The following GMIP variants were observed in gnomAD, a reference collection of about 807,000 sequenced individuals.
The protein encoded by GMIP is GEM interacting protein, also known as GEM-interacting protein.
GMIP carries 54 observed loss-of-function variants against 105.3 expected under a neutral mutation model. That is an observed-to-expected ratio of 0.51 (90% CI 0.41 to 0.64). GMIP has a LOEUF of 0.64. Ranked by LOEUF, GMIP falls within the 30% of genes least tolerant of loss-of-function variation. GMIP has a pLI of 0.00. For synonymous variants in GMIP, 541 were observed against 560.8 expected, an observed-to-expected ratio of 0.96 and a Z score of 0.50; for missense variants, 1,110 against 1,319.4, an observed-to-expected ratio of 0.84 and a Z score of 2.46.
rs111343876 is a variant in GMIP at position 19,630,975 on chromosome 19, T to C, written c.2473-438A>G. Among the ~76,000 whole-genome samples the C allele has an allele frequency of 6.6e-6, 1 of 151,694 alleles. No homozygotes were observed. The highest frequency in any genetic ancestry group is 2.4e-5 in the African/African-American group (1 of 41,342). ...CAGCACTTTGGGAGGCTGAGGTTGG[T>C]GGATTATCTGAGGTCAGGAGTTCGG... On this transcript the variant is annotated intron_variant, in intron 19 of 20. Transcript: ENST00000203556. The surrounding 1 kb of genome is among the most constrained non-coding windows in gnomAD (Gnocchi z 4.8).
chr19:19,637,784 T>C lies in GMIP; in HGVS notation c.927+136A>G. On this transcript the variant is annotated intron_variant, in intron 10 of 20. Transcript: ENST00000203556. This position sits in a 1 kb window ranked among gnomAD's most constrained non-coding sequence, Gnocchi z 6.7. Reference sequence around the variant, plus strand: ...CATGGGGCGGAGCCGAGACAGTGGGTCTGGGGGCGGGAACTGGCTGTCGAG... The same window carrying C: ...CATGGGGCGGAGCCGAGACAGTGGGCCTGGGGGCGGGAACTGGCTGTCGAG... 1 of 990,206 alleles carries C rather than the reference T, an allele frequency of 1.0e-6. No individual in the cohort carries two copies. The highest frequency in any genetic ancestry group is 1.6e-5 in the South Asian group (1 of 62,620). 61.3% of individuals were successfully genotyped at this position (990,206 alleles called of 1,614,324 possible).
At chr19:19,642,114 G>T in intron 2 of GMIP, 63 bp from the exon 3 acceptor site, 1 of 1,047,674 alleles carries the variant, frequency 9.5e-7, no homozygotes, top group East Asian at 2.5e-5. Flanking sequence ...AAGGGGTGCT[G>T]GGGACCTTAG....
At chr19:19,642,279 T>G (rs1300142255) in intron 2 of GMIP, among the ~76,000 whole-genome samples, 1 of 151,980 alleles carries the variant, frequency 6.6e-6, no homozygotes, top group African/African-American at 2.4e-5. Flanking sequence ...AGAGTGGGAT[T>G]ATAGGGATCG....
intron 19 of GMIP, among the ~76,000 whole-genome samples, chr19:19,631,427 G>T (rs1292200218): frequency 1.3e-5 from 2 of 152,174 alleles, no homozygotes; most frequent in Non-Finnish European, 2.9e-5. Flanking sequence ...TTAGCTAAAT[G>T]GTTGGCAGTG....
In GMIP at chr19:19,629,978, G is replaced by A. The variant is rs267605377; in HGVS notation, c.2898C>T (p.Ala966=). Residue 966 remains alanine, a synonymous_variant, in exon 21 of 21, where the codon GCC becomes GCT. Coordinates refer to ENST00000203556, the MANE Select transcript of GMIP (RefSeq NM_016573.4). The part of the protein sequence containing the change: ...TCCPDVQPEE[A]EDHL ...GCCAGGGTGGTCAGAGATGGTCCTC[G>A]GCTTCCTCAGGCTGGACGTCCGGGC... 8.7e-6 allele frequency: 14 copies of A among 1,608,786 alleles called. No homozygotes were observed. The highest frequency in any genetic ancestry group is 1.7e-4 in the Middle Eastern group (1 of 6,040).
In GMIP at chr19:19,634,324, C is replaced by T. The variant is rs1185574916; in HGVS notation, c.2085-134G>A. On this transcript the variant is annotated intron_variant, in intron 18 of 20. Transcript: ENST00000203556. This position sits in a 1 kb window ranked among gnomAD's most constrained non-coding sequence, Gnocchi z 6.1. Reference sequence around the variant, plus strand: ...GGTGTAAGTCGTCTGAGACCAGCAGCCACATATCCAGAACTGGAGGTCAGG... The same window carrying T: ...GGTGTAAGTCGTCTGAGACCAGCAGTCACATATCCAGAACTGGAGGTCAGG... The T allele has an allele frequency of 9.6e-7, 1 of 1,046,454 alleles. No individual in the cohort carries two copies. Among genetic ancestry groups the T allele is most frequent in the Non-Finnish European group, 1.4e-6 (1 of 730,752 alleles). 64.8% of individuals were successfully genotyped at this position (1,046,454 alleles called of 1,614,324 possible). A position where few individuals can be genotyped will look rare whatever the true frequency, so the allele number is the denominator to read the frequency against.
intron 4 of GMIP, among the ~76,000 whole-genome samples, chr19:19,640,795 C>T (rs920504384): frequency 1.4e-4 from 21 of 151,800 alleles, no homozygotes; most frequent in Non-Finnish European, 2.1e-4. Flanking sequence ...GACTGTGTTT[C>T]GCTCTTGTTG....
rs780292004 is a variant in GMIP at position 19,635,719 on chromosome 19, C to T, written c.1330G>A (p.Ala444Thr). 6.8e-6 allele frequency: 11 copies of T among 1,613,640 alleles called. No homozygotes were observed. The highest frequency in any genetic ancestry group is 4.4e-5 in the South Asian group (4 of 91,074). ...GCCTTCACCAGCTGCCTCGTGCCAG[C>T]GCCTGGGGTCAGAGGAATCATGGGA... The part of the protein sequence containing the change: ...SLDSPTSSPG[A>T]GTRQLVKASS... The change falls in exon 14 of 21, where the codon GCT becomes ACT. Residue 444 changes from alanine (A) to threonine (T), a missense_variant and splice_region_variant. Ala to Thr is a moderately conservative substitution (Grantham distance 58, BLOSUM62 0). Transcript: ENST00000203556. This position sits in a 1 kb window ranked among gnomAD's most constrained non-coding sequence, Gnocchi z 4.7.
At position 19,634,456 on chromosome 19, in the gene GMIP, G is replaced by C. The variant is rs747873153; in HGVS notation, c.2084+51C>G. 3 of 1,467,738 alleles carry C rather than the reference G, an allele frequency of 2.0e-6. No individual in the cohort carries two copies. The highest frequency in any genetic ancestry group is 4.2e-5 in the Admixed American group (2 of 47,686). The allele number at this position is 1,467,738 out of a possible 1,614,324, so 90.9% of individuals were successfully genotyped here. A position where few individuals can be genotyped will look rare whatever the true frequency, so the allele number is the denominator to read the frequency against. On this transcript the variant is annotated intron_variant, in intron 18 of 20. Coordinates refer to ENST00000203556, the MANE Select transcript of GMIP (RefSeq NM_016573.4). The surrounding 1 kb of genome is among the most constrained non-coding windows in gnomAD (Gnocchi z 6.1). ...GGGTCAGCCAGGGAAGTTAGTAGTC[G>C]CATGTCCAGGGAAAAGGGTCGCGTT...
At chr19:19,640,986 C>T (rs890605332) in intron 4 of GMIP, among the ~76,000 whole-genome samples, 3 of 152,084 alleles carry the variant, frequency 2.0e-5, no homozygotes, top group East Asian at 1.9e-4. Context: ...AGGCTGGTCT[C>T]GAACTCCCAA....
chr19:19,635,177 G>C lies in GMIP; in HGVS notation c.1597C>G (p.Leu533Val). 1 of 1,613,868 alleles carries C rather than the reference G, an allele frequency of 6.2e-7. No homozygotes were observed. Among genetic ancestry groups the C allele is most frequent in the Admixed American group, 1.7e-5 (1 of 59,948 alleles). ...CGCCTGTGTCCACAGAGGATCAGGAGAGTCTCCAGGCAGCGCTTGTGGCAG... is the reference window on the plus strand; with the variant it reads ...CGCCTGTGTCCACAGAGGATCAGGACAGTCTCCAGGCAGCGCTTGTGGCAG... ...LTCHKRCLET[L>V]LILCGHRRLP... The change falls in exon 16 of 21, where the codon CTC becomes GTC. Residue 533 changes from leucine to valine, a missense_variant. This residue lies in a region of GMIP where 667 missense variants were observed against 773.2 expected (regional missense o/e 0.86). Coordinates refer to ENST00000203556, the MANE Select transcript of GMIP (RefSeq NM_016573.4). This position sits in a 1 kb window ranked among gnomAD's most constrained non-coding sequence, Gnocchi z 4.7.
In GMIP at chr19:19,630,139, GC is replaced by G. The variant is rs1426073165; in HGVS notation, c.2736del (p.Ser914AlafsTer115). On this transcript the variant is annotated frameshift_variant, in exon 21 of 21. Transcript: ENST00000203556. LOFTEE classifies it high-confidence loss of function. This position sits in a 1 kb window ranked among gnomAD's most constrained non-coding sequence, Gnocchi z 4.8. ...TCAGGGGAGGCAGCTGCAGGGCTGG[GC>G]CCCCGCCCCCGCAAACTCCCTCTGG... ...SVPRGSLRGR[G>X]PSPAAASPEG... is the part of the protein sequence containing the mutation. 1.9e-6 allele frequency: 3 copies of G among 1,602,678 alleles called. No homozygotes were observed. The highest frequency in any genetic ancestry group is 2.7e-5 in the African/African-American group (2 of 74,734).
At chr19:19,641,757 T>G in intron 4 of GMIP, 53 bp downstream of exon 4, 1 of 1,296,810 alleles carries the variant, frequency 7.7e-7, no homozygotes, top group Non-Finnish European at 1.1e-6. Context: ...GGTGATTTGT[T>G]GAAGGAAAGA....
chr19:19,642,587 A>G lies in GMIP; in HGVS notation c.52T>C (p.Tyr18His). The change falls in exon 2 of 21, where the codon TAC becomes CAC. Residue 18 changes from tyrosine to histidine, a missense_variant. By Grantham distance (83) the Tyr-to-His change is moderately conservative (BLOSUM62 2). Transcript: ENST00000203556. ...LPPGPEGRKR[Y>H]SDIFRSLDNL... is the part of the protein sequence containing the mutation. Reference sequence around the variant, plus strand: ...TCCAGGCTCCGGAAGATGTCACTGTACCTCTTCCTGCCCTCAGGACCTGGG... The same window carrying G: ...TCCAGGCTCCGGAAGATGTCACTGTGCCTCTTCCTGCCCTCAGGACCTGGG... 6.2e-7 allele frequency: 1 copy of G among 1,609,352 alleles called. No individual in the cohort carries two copies. The highest frequency in any genetic ancestry group is 8.5e-7 in the Non-Finnish European group (1 of 1,176,312).
At position 19,636,920 on chromosome 19, in the gene GMIP, G is replaced by C; in HGVS notation, c.1234C>G (p.Gln412Glu). 1 of 1,575,512 alleles carries C rather than the reference G, an allele frequency of 6.3e-7. No homozygotes were observed. Among genetic ancestry groups the C allele is most frequent in the Non-Finnish European group, 8.6e-7 (1 of 1,159,062 alleles). Residue 412 changes from glutamine to glutamate, a missense_variant, in exon 12 of 21, where the codon CAA becomes GAA. Transcript: ENST00000203556. Reference protein sequence around the residue: ...WEDPGTGWRWQGTPGPTPGSD... With the variant: ...WEDPGTGWRWEGTPGPTPGSD... ...ACCTGGCCCTCATTGCACTCACCTT[G>C]CCAGCGCCAGCCTGTGCCCGGATCC...
Position 19,635,097 on chromosome 19 carries a change from G to T in GMIP, c.1677C>A (p.Asp559Glu). 6.2e-7 allele frequency: 1 copy of T among 1,614,068 alleles called. No homozygotes were observed. The highest frequency in any genetic ancestry group is 2.2e-5 in the East Asian group (1 of 44,882). Residue 559 changes from aspartate to glutamate, a missense_variant, in exon 16 of 21, where the codon GAC (aspartate) becomes GAA (glutamate). By Grantham distance (45) the Asp-to-Glu change is conservative (BLOSUM62 2). Around this residue, in one of 3 missense-constraint regions of GMIP, gnomAD observed 667 missense variants for 773.2 expected, o/e 0.86. Transcript: ENST00000203556. The surrounding 1 kb of genome is among the most constrained non-coding windows in gnomAD (Gnocchi z 4.7). The stretch of plus-strand genomic sequence containing the variant: ...CCACAAAGGGTACCTCCTCCGGGAA[G>T]TCCCTGGGTAGCTGCAGGAAGTCAA... Reference protein sequence around the residue: ...FGVDFLQLPRDFPEEVPFVVT... With the variant: ...FGVDFLQLPREFPEEVPFVVT...
At position 19,630,191 on chromosome 19, in the gene GMIP, G is replaced by C; in HGVS notation, c.2685C>G (p.Cys895Trp). 2 of 1,601,568 alleles carry C rather than the reference G, an allele frequency of 1.2e-6. 1 individual carries two copies. Among genetic ancestry groups the C allele is most frequent in the South Asian group, 2.2e-5 (2 of 90,184 alleles). ...GCACTGATGTGATGGGGGTCTCCTC[G>C]CACAGCTTGGAAGCCACCAGGGCCA... ...SSLALVASKL[C>W]EETPITSVPR... The change falls in exon 21 of 21, where the codon TGC becomes TGG. Residue 895 changes from cysteine to tryptophan, a missense_variant. Coordinates refer to ENST00000203556, the MANE Select transcript of GMIP (RefSeq NM_016573.4). The surrounding 1 kb of genome is among the most constrained non-coding windows in gnomAD (Gnocchi z 4.8).
chr19:19,639,046 C>T (rs62134460), intron 7 of GMIP, among the ~76,000 whole-genome samples: 27,894 of 151,328 alleles, frequency 0.18, 3,233 homozygotes, highest in East Asian at 0.34. Context: ...TGCCACTGCA[C>T]TCCAGCCTGG....
chr19:19,635,300 C>T lies in GMIP; in HGVS notation c.1561-87G>A, dbSNP rs969479120. ...CAAGGATCCTCAAGGAATGGGGGCTCATGGGAGACATCAGGTTAGGGTGGG... is the reference window on the plus strand; with the variant it reads ...CAAGGATCCTCAAGGAATGGGGGCTTATGGGAGACATCAGGTTAGGGTGGG... On this transcript the variant is annotated intron_variant, in intron 15 of 20. Transcript: ENST00000203556. The surrounding 1 kb of genome is among the most constrained non-coding windows in gnomAD (Gnocchi z 4.7). The T allele has an allele frequency of 1.1e-5, 17 of 1,517,644 alleles. No individual in the cohort carries two copies. Among genetic ancestry groups the T allele is most frequent in the Non-Finnish European group, 1.5e-5 (17 of 1,106,278 alleles). The allele number at this position is 1,517,644 out of a possible 1,614,324, so 94.0% of individuals were successfully genotyped here.
Sources: gnomAD v4.1 joint callset for allele counts (sites outside exome capture counted in the v4.1 genomes callset) on GRCh38, gnomAD v4.1.1 for gene constraint, gnomAD v4.1.1 regional missense constraint, Gnocchi (gnomAD v3.1) non-coding constraint, MANE v1.5 for transcripts, NCBI Gene and HGNC (gene_info 2026-07-23, HGNC 2026-07-21) for gene names.